CHSY1: variants seen among roughly 807,000 people sequenced by gnomAD.
CHSY1 encodes N-acetylgalactosaminyl-proteoglycan 3-beta-glucuronosyltransferase 1.
In CHSY1, 13 loss-of-function variants were observed where a neutral mutation model predicts 59.8. That is an observed-to-expected ratio of 0.22 (90% CI 0.14 to 0.35). The LOEUF is 0.35. Ranked by LOEUF, CHSY1 falls within the 10% of genes least tolerant of loss-of-function variation. The pLI, the probability that CHSY1 is intolerant of heterozygous loss-of-function variation, is 1.00. For missense variants in CHSY1, 947 were observed against 1,030.6 expected (o/e 0.92, Z 1.11); for synonymous variants, 459 against 401.2 (o/e 1.14, Z -1.72).
chr15:101,236,869 T>C (rs2038948887), intron 1 of CHSY1, among the ~76,000 whole-genome samples: 1 of 151,786 alleles, frequency 6.6e-6, no homozygotes, highest in African/African-American at 2.4e-5. Context: ...CCTCTGTTTC[T>C]TTATAAATTA....
intron 1 of CHSY1, among the ~76,000 whole-genome samples, chr15:101,236,692 G>A (rs1220101303): frequency 6.6e-6 from 1 of 152,030 alleles, no homozygotes; most frequent in East Asian, 1.9e-4. Context: ...GTGCGTGCTG[G>A]CGGGCGCCTG....
intron 2 of CHSY1, among the ~76,000 whole-genome samples, chr15:101,222,678 C>T (rs907432361): frequency 1.3e-5 from 2 of 152,160 alleles, no homozygotes; most frequent in African/African-American, 2.4e-5. Context: ...AAGTATCTTG[C>T]GGAAAATCCC....
chr15:101,227,658 A>C (rs2038854191), intron 2 of CHSY1, among the ~76,000 whole-genome samples: 1 of 152,220 alleles, frequency 6.6e-6, no homozygotes, highest in African/African-American at 2.4e-5. Context: ...TCTCTGTACA[A>C]GCAAGTTAAG....
At chr15:101,225,673 A>G (rs561855574) in intron 2 of CHSY1, among the ~76,000 whole-genome samples, 1 of 152,294 alleles carries the variant, frequency 6.6e-6, no homozygotes, top group South Asian at 2.1e-4. Context: ...CACCATGAGT[A>G]AAAGCTCCCT....
At chr15:101,229,249 C>T (rs1189034594) in intron 2 of CHSY1, among the ~76,000 whole-genome samples, 1 of 152,210 alleles carries the variant, frequency 6.6e-6, no homozygotes, top group African/African-American at 2.4e-5. Flanking sequence ...TAATTAAATA[C>T]TCCAATTATG....
intron 2 of CHSY1, among the ~76,000 whole-genome samples, chr15:101,226,079 A>G (rs2038839203): frequency 6.6e-6 from 1 of 152,250 alleles, no homozygotes; most frequent in Non-Finnish European, 1.5e-5. Context: ...CATTTTAGGT[A>G]AACTATGATT....
At chr15:101,195,534 A>C (rs2038495078) in intron 2 of CHSY1, among the ~76,000 whole-genome samples, 1 of 152,258 alleles carries the variant, frequency 6.6e-6, no homozygotes, top group Non-Finnish European at 1.5e-5. Flanking sequence ...TTTTTATTTA[A>C]AAGCTGGCCG....
intron 2 of CHSY1, among the ~76,000 whole-genome samples, chr15:101,196,020 A>G: frequency 6.6e-6 from 1 of 152,054 alleles, no homozygotes; most frequent in East Asian, 1.9e-4. Context: ...AGGCTGAGGC[A>G]GGTGAATCAC....
At chr15:101,180,343 C>T (rs929951176) in intron 2 of CHSY1, among the ~76,000 whole-genome samples, 9 of 152,296 alleles carry the variant, frequency 5.9e-5, no homozygotes, top group African/African-American at 1.9e-4. Flanking sequence ...TCCAAAGTGC[C>T]GCCGCTGTTT....
At position 101,178,585 on chromosome 15, in the gene CHSY1, G is replaced by A; in HGVS notation, c.1212C>T (p.Ala404=). ...TGACCTGCATGACAATGTCGTCCAA[G>A]GCTTCCCTCTGGGCGGAGTCCATTC... ...RRGMDSAQRE[A]LDDIVMQVME... is the part of the protein sequence containing the mutation. The change falls in exon 3 of 3, where the codon GCC becomes GCT. Residue 404 remains alanine, a synonymous_variant. Transcript: ENST00000254190. The A allele has an allele frequency of 6.2e-7, 1 of 1,614,238 alleles. No homozygotes were observed. Among genetic ancestry groups the A allele is most frequent in the Non-Finnish European group, 8.5e-7 (1 of 1,180,042 alleles).
chr15:101,182,711 C>T (rs181407569), intron 2 of CHSY1, among the ~76,000 whole-genome samples: 17 of 152,176 alleles, frequency 1.1e-4, no homozygotes, highest in Admixed American at 5.2e-4. Context: ...ATCAATTGAA[C>T]AGTACCATAG....
At chr15:101,210,174 G>C (rs547679139) in intron 2 of CHSY1, among the ~76,000 whole-genome samples, 6 of 152,280 alleles carry the variant, frequency 3.9e-5, no homozygotes, top group African/African-American at 1.2e-4. Context: ...TCACTAAACA[G>C]ATTAGCCAGT....
intron 2 of CHSY1, among the ~76,000 whole-genome samples, chr15:101,199,459 T>C (rs2038547932): frequency 6.6e-6 from 1 of 152,184 alleles, no homozygotes; most frequent in African/African-American, 2.4e-5. Context: ...GCCGAGATTG[T>C]GCTACTGCAC....
chr15:101,222,066 A>G (rs1306106077), intron 2 of CHSY1, among the ~76,000 whole-genome samples: 1 of 152,198 alleles, frequency 6.6e-6, no homozygotes, highest in Non-Finnish European at 1.5e-5. Flanking sequence ...TTACAGTAAT[A>G]ACACAGCACA....
At chr15:101,196,143 G>A (rs923673476) in intron 2 of CHSY1, among the ~76,000 whole-genome samples, 5 of 151,180 alleles carry the variant, frequency 3.3e-5, no homozygotes, top group African/African-American at 1.2e-4. Flanking sequence ...CAGCTGAGGC[G>A]GAAGAATGAC....
intron 2 of CHSY1, among the ~76,000 whole-genome samples, chr15:101,231,795 T>A (rs2038895484): frequency 6.6e-6 from 1 of 152,236 alleles, no homozygotes. Flanking sequence ...TTAAGAGTAG[T>A]ATAGCTTTTC....
At chr15:101,235,016 C>T (rs978878321) in intron 2 of CHSY1, 66 bp downstream of exon 2, 78 of 1,581,822 alleles carry the variant, frequency 4.9e-5, no homozygotes, top group Non-Finnish European at 5.5e-5. Flanking sequence ...TCCTATGATA[C>T]GCTCAGAACT....
chr15:101,247,492 A>G (rs2039063477), intron 1 of CHSY1, among the ~76,000 whole-genome samples: 1 of 152,202 alleles, frequency 6.6e-6, no homozygotes, highest in African/African-American at 2.4e-5. Flanking sequence ...CATGACAGCA[A>G]GCCGTGTACT....
intron 2 of CHSY1, among the ~76,000 whole-genome samples, chr15:101,188,972 GGC>G (rs1040973521): frequency 6.6e-6 from 1 of 152,140 alleles, no homozygotes; most frequent in African/African-American, 2.4e-5. Context: ...TGGCAGACGT[GGC>G]AGCATGATGC....
Sources: allele counts gnomAD v4.1 joint callset (sites outside exome capture counted in the v4.1 genomes callset), GRCh38; gene constraint gnomAD v4.1.1; transcripts MANE v1.5; gene names NCBI Gene and HGNC (gene_info 2026-07-23, HGNC 2026-07-21).